RAB6A: variants seen among roughly 807,000 people sequenced by gnomAD.
RAB6A encodes the protein RAB6A, member RAS oncogene family.
A neutral mutation model predicts 32.3 loss-of-function variants in RAB6A; 8 were observed. The observed-to-expected ratio is 0.25, with a 90% CI of 0.15 to 0.45. The LOEUF is 0.45. Ranked by LOEUF, RAB6A falls within the 20% of genes least tolerant of loss-of-function variation. The pLI is 1.00. For missense variants in RAB6A, 104 were observed against 249.4 expected, an observed-to-expected ratio of 0.42 and a Z score of 3.93; for synonymous variants, 73 against 82.1, an observed-to-expected ratio of 0.89 and a Z score of 0.60.
At chr11:73,756,441 A>T (rs1293549246) in intron 1 of RAB6A, among the ~76,000 whole-genome samples, 1 of 152,180 alleles carries the variant, frequency 6.6e-6, no homozygotes, top group Non-Finnish European at 1.5e-5. Context: ...ATCAGCATTG[A>T]TGGAAAAAAA....
At position 73,716,304 on chromosome 11, in the gene RAB6A, T is replaced by C; in HGVS notation, c.348A>G (p.Gly116=). 1 of 1,613,702 alleles carries C rather than the reference T, an allele frequency of 6.2e-7. No individual in the cohort carries two copies. The highest frequency in any genetic ancestry group is 2.2e-5 in the East Asian group (1 of 44,864). The part of the protein sequence containing the change: ...KWIDDVRTER[G]SDVIIMLVGN... ...CTACTAGCATGATGATAACATCACT[T>C]CCTCTTTCTGTTCTGACATCATCAA... Residue 116 remains glycine (G), a synonymous_variant, in exon 5 of 8, where the codon GGA becomes GGG. Coordinates refer to ENST00000336083, the MANE Select transcript of RAB6A (RefSeq NM_198896.2).
chr11:73,688,974 T>C (rs1212925872), intron 6 of RAB6A, among the ~76,000 whole-genome samples: 5 of 152,016 alleles, frequency 3.3e-5, no homozygotes, highest in Non-Finnish European at 7.4e-5. Context: ...CTATAAAAAA[T>C]TAGCCAGGTG....
chr11:73,679,655 A>C lies in RAB6A; in HGVS notation c.561T>G (p.Asp187Glu). ...MESTQDRSREDMIDIKLEKPQ... is the reference protein window; with the variant it reads ...MESTQDRSREEMIDIKLEKPQ... ...TTTCCAATGAAATAAAAAGGATACT[A>C]TCTTCTCTGCTTCTGTCCTGTGTGC... The change falls in exon 7 of 8, where the codon GAT becomes GAG. Residue 187 changes from aspartate to glutamate, a missense_variant and splice_region_variant. Transcript: ENST00000336083. The C allele has an allele frequency of 6.2e-7, 1 of 1,614,026 alleles. No individual in the cohort carries two copies. The highest frequency in any genetic ancestry group is 8.5e-7 in the Non-Finnish European group (1 of 1,179,894).
At chr11:73,699,063 G>T (rs1415854579) in intron 6 of RAB6A, among the ~76,000 whole-genome samples, 2 of 151,992 alleles carry the variant, frequency 1.3e-5, no homozygotes, top group African/African-American at 4.8e-5. Flanking sequence ...ATGTTGGTCA[G>T]GCTGGTCTCG....
At chr11:73,720,538 A>T (rs895593650) in intron 3 of RAB6A, among the ~76,000 whole-genome samples, 1 of 152,190 alleles carries the variant, frequency 6.6e-6, no homozygotes, top group East Asian at 1.9e-4. Flanking sequence ...GACAAAAAAA[A>T]TCTTGAAGTT....
At chr11:73,728,266 T>C (rs189693454) in intron 2 of RAB6A, among the ~76,000 whole-genome samples, 3 of 152,312 alleles carry the variant, frequency 2.0e-5, no homozygotes, top group African/African-American at 7.2e-5. Flanking sequence ...CCTTTCACAT[T>C]AAGTATATAA....
intron 6 of RAB6A, among the ~76,000 whole-genome samples, chr11:73,690,697 TA>T (rs34099966): frequency 0.61 from 72,024 of 117,912 alleles, 21,360 homozygotes; most frequent in Non-Finnish European, 0.69. Context: ...TGTAACATCT[TA>T]AAAAAAAAAA....
chr11:73,759,930 C>CGA (rs1946815467), intron 1 of RAB6A: 2 of 825,528 alleles, frequency 2.4e-6, no homozygotes, highest in African/African-American at 3.6e-5. Flanking sequence ...CTACCCCTTT[C>CGA]ACCCCCAACC....
intron 1 of RAB6A, among the ~76,000 whole-genome samples, chr11:73,731,183 G>A (rs1946295469): frequency 6.6e-6 from 1 of 152,054 alleles, no homozygotes; most frequent in Non-Finnish European, 1.5e-5. Flanking sequence ...TATAATCCCT[G>A]GGAGTAGAAA....
At chr11:73,744,144 C>T (rs1268796100) in intron 1 of RAB6A, among the ~76,000 whole-genome samples, 3 of 151,862 alleles carry the variant, frequency 2.0e-5, no homozygotes, top group Non-Finnish European at 4.4e-5. Flanking sequence ...GGAGACCATC[C>T]TGGTTAACAC....
chr11:73,756,824 C>A (rs1002675360), intron 1 of RAB6A, among the ~76,000 whole-genome samples: 39 of 152,064 alleles, frequency 2.6e-4, no homozygotes, highest in African/African-American at 9.2e-4. Context: ...CAGGCACACG[C>A]CACCACGCCC....
intron 1 of RAB6A, among the ~76,000 whole-genome samples, chr11:73,752,144 G>GT (rs1946678564): frequency 6.6e-6 from 1 of 152,094 alleles, no homozygotes; most frequent in African/African-American, 2.4e-5. Flanking sequence ...ACAAGAAAAG[G>GT]TAAAAATTGG....
chr11:73,706,610 T>C (rs548648490), intron 6 of RAB6A, among the ~76,000 whole-genome samples: 1 of 152,278 alleles, frequency 6.6e-6, no homozygotes, highest in South Asian at 2.1e-4. Flanking sequence ...TGTGAGTCTC[T>C]GGCTGACCTA....
At chr11:73,737,478 G>A (rs1345991644) in intron 1 of RAB6A, among the ~76,000 whole-genome samples, 1 of 151,202 alleles carries the variant, frequency 6.6e-6, no homozygotes, top group African/African-American at 2.4e-5. Flanking sequence ...GCAAGACCCT[G>A]TTTCTAAAAC....
At chr11:73,713,899 T>C (rs1459230621) in intron 5 of RAB6A, among the ~76,000 whole-genome samples, 5 of 151,956 alleles carry the variant, frequency 3.3e-5, no homozygotes, top group Non-Finnish European at 5.9e-5. Context: ...TTATTATAAA[T>C]ATAATTTCAG....
chr11:73,720,202 C>T lies in RAB6A; in HGVS notation c.183+644G>A, dbSNP rs1219237364. Among the ~76,000 whole-genome samples the T allele has an allele frequency of 5.3e-5, 6 of 113,926 alleles. No individual in the cohort carries two copies. In the East Asian group the frequency reaches 1.6e-3, roughly 31 times the overall value. 74.7% of individuals were successfully genotyped at this position (113,926 alleles called of 152,430 possible). On this transcript the variant is annotated intron_variant, in intron 3 of 7. Coordinates refer to ENST00000336083, the MANE Select transcript of RAB6A (RefSeq NM_198896.2). Reference sequence around the variant, plus strand: ...TTACTTTTTTTTTTTTTTTTTGCAACGGAGTTTCGCTCTTGTTGCCCAGGC... The same window carrying T: ...TTACTTTTTTTTTTTTTTTTTGCAATGGAGTTTCGCTCTTGTTGCCCAGGC...
intron 2 of RAB6A, among the ~76,000 whole-genome samples, chr11:73,727,872 GTTTT>G (rs904225125): frequency 6.6e-6 from 1 of 152,084 alleles, no homozygotes; most frequent in Non-Finnish European, 1.5e-5. Context: ...TTGAAATCAA[GTTTT>G]TTTCTTTAAT....
At chr11:73,710,797 T>C (rs1349482917) in intron 5 of RAB6A, among the ~76,000 whole-genome samples, 1 of 151,480 alleles carries the variant, frequency 6.6e-6, no homozygotes, top group African/African-American at 2.4e-5. Context: ...GTTGCACATA[T>C]AAGTGCGGTG....
At position 73,679,733 on chromosome 11, in the gene RAB6A, G is replaced by A. The variant is rs200525304; in HGVS notation, c.496-13C>T. On this transcript the variant is annotated splice_polypyrimidine_tract_variant and intron_variant, in intron 6 of 7. Coordinates refer to ENST00000336083, the MANE Select transcript of RAB6A (RefSeq NM_198896.2). Reference sequence around the variant, plus strand: ...CACGTCGAAAGAGCTGTGGGAAAGAGAGAAAAGTGATAACTGAGAGGGAAC... The same window carrying A: ...CACGTCGAAAGAGCTGTGGGAAAGAAAGAAAAGTGATAACTGAGAGGGAAC... 1.9e-6 allele frequency: 3 copies of A among 1,613,714 alleles called. No homozygotes were observed. The highest frequency in any genetic ancestry group is 1.7e-6 in the Non-Finnish European group (2 of 1,179,736).
Sources: allele counts gnomAD v4.1 joint callset (sites outside exome capture counted in the v4.1 genomes callset), GRCh38; gene constraint gnomAD v4.1.1; transcripts MANE v1.5; gene names NCBI Gene and HGNC (gene_info 2026-07-23, HGNC 2026-07-21).